Variants in METTL24 observed in about 807,000 individuals in gnomAD.
METTL24 encodes probable methyltransferase-like protein 24.
In METTL24, 29 loss-of-function variants were observed where a neutral mutation model predicts 32.7. The observed-to-expected ratio is 0.89, with a 90% CI of 0.66 to 1.21. METTL24 has a LOEUF of 1.21. METTL24 is among the 50% of genes most tolerant of loss of function. The pLI is 0.00. For missense variants in METTL24, 439 were observed against 468.1 expected, an observed-to-expected ratio of 0.94 and a Z score of 0.57; for synonymous variants, 163 against 179.5, an observed-to-expected ratio of 0.91 and a Z score of 0.73.
rs542863503 is a variant in METTL24, at chr6:110,354,319, G to T, written c.318+3636C>A. ...TAGCAGATTGTTTTCTTTAAGAGGA[G>T]CATAAGCTGTGATTAAAGTGGCAGA... On this transcript the variant is annotated intron_variant, in intron 1 of 4. Coordinates refer to ENST00000338882, the MANE Select transcript of METTL24 (RefSeq NM_001123364.3). 2.0e-5 allele frequency among the ~76,000 whole-genome samples: 3 copies of T among 152,330 alleles called. No individual in the cohort carries two copies. In the East Asian group the frequency reaches 5.8e-4, roughly 29 times the overall value.
rs10659634 is a variant in METTL24 at position 110,319,418 on chromosome 6, G to GAGATAGATAGATAGATAGAT, written c.417+3336_417+3355dup. 1.1e-3 allele frequency among the ~76,000 whole-genome samples: 157 copies of GAGATAGATAGATAGATAGAT among 148,748 alleles called. 1 individual carries two copies. The highest frequency in any genetic ancestry group is 1.5e-3 in the South Asian group (7 of 4,670). On this transcript the variant is annotated intron_variant, in intron 2 of 4. Coordinates refer to ENST00000338882, the MANE Select transcript of METTL24 (RefSeq NM_001123364.3). ...GGGTAGATAACTAGGTAGAGAGGTA[G>GAGATAGATAGATAGATAGAT]AGATAGATAGATAGATAGATAGATA...
At chr6:110,270,213 T>C (rs1053638364) in intron 4 of METTL24, among the ~76,000 whole-genome samples, 5 of 152,118 alleles carry the variant, frequency 3.3e-5, no homozygotes, top group Admixed American at 2.0e-4. Flanking sequence ...TCATCTTACT[T>C]GACTTCAGTG....
At chr6:110,254,871 T>C (rs1014009305) in intron 4 of METTL24, among the ~76,000 whole-genome samples, 7 of 152,216 alleles carry the variant, frequency 4.6e-5, no homozygotes, top group Non-Finnish European at 8.8e-5. Context: ...ACTTAAAGTG[T>C]ACCTGCAAAA....
Sources: allele counts gnomAD v4.1 joint callset (sites outside exome capture counted in the v4.1 genomes callset), GRCh38; gene constraint gnomAD v4.1.1; transcripts MANE v1.5; gene names NCBI Gene and HGNC (gene_info 2026-07-23, HGNC 2026-07-21).